SDC4: variants seen among roughly 807,000 people sequenced by gnomAD.
SDC4 encodes syndecan-4.
Under a neutral mutation model 20.5 loss-of-function variants are expected in SDC4, and 17 were observed. The ratio of observed to expected loss-of-function variants is 0.83; its 90% CI spans 0.57 to 1.25. SDC4 has a LOEUF of 1.25. Among genes scored for constraint, SDC4 ranks in the 50% most tolerant of loss-of-function variants. The pLI, the probability that SDC4 is intolerant of heterozygous loss-of-function variation, is 0.00. For synonymous variants in SDC4, 107 were observed against 105.3 expected, an observed-to-expected ratio of 1.02 and a Z score of -0.10; for missense variants, 241 against 252.3, an observed-to-expected ratio of 0.96 and a Z score of 0.30.
At position 45,336,885 on chromosome 20, in the gene SDC4, A is replaced by G. The variant is rs147593522; in HGVS notation, c.61-965T>C. ...ACTCCTGGATTCAGTCTTGCCTTCC[A>G]AACATCTCCCACAGATCTACTCTGC... is the stretch of plus-strand genomic sequence containing the variant. On this transcript the variant is annotated intron_variant, in intron 1 of 4. Transcript: ENST00000372733. Among the ~76,000 whole-genome samples, 611 of 152,036 alleles carry G rather than the reference A, an allele frequency of 4.0e-3. 16 individuals carry two copies. The highest frequency in any genetic ancestry group is 0.029 in the Admixed American group (440 of 15,268).
chr20:45,327,385 A>G lies in SDC4; in HGVS notation c.476T>C (p.Leu159Pro), dbSNP rs761210494. 11 of 1,614,010 alleles carry G rather than the reference A, an allele frequency of 6.8e-6. No individual in the cohort carries two copies. The East Asian group carries it at 2.5e-4, about 36-fold the overall frequency. ...CAGTAGGATCAGGAAGACGGCAAAG[A>G]GGATGCCCACGATGCCACCCACAAT... ...ALIVGGIVGI[L>P]FAVFLILLLM... Residue 159 changes from leucine to proline, a missense_variant, in exon 5 of 5, where the codon CTC (leucine) becomes CCC (proline). Coordinates refer to ENST00000372733, the MANE Select transcript of SDC4 (RefSeq NM_002999.4).
intron 1 of SDC4, chr20:45,345,450 A>G (rs1474630470): frequency 1.3e-5 from 2 of 152,194 alleles, no homozygotes; most frequent in Non-Finnish European, 2.9e-5. Flanking sequence ...GGAACCCTCC[A>G]AATCATGGCC....
At position 45,335,781 on chromosome 20, in the gene SDC4, C is replaced by T. The variant is rs111597694; in HGVS notation, c.199+1G>A. ...ACGCCTGCCCAGCACACCTTCCGTA[C>T]CCAGATCTCCAGAGCCAGACAGCTC... On this transcript the variant is annotated splice_donor_variant, in intron 2 of 4. Transcript: ENST00000372733. LOFTEE classifies it high-confidence loss of function. The T allele has an allele frequency of 6.2e-7, 1 of 1,613,608 alleles. No homozygotes were observed. Among genetic ancestry groups the T allele is most frequent in the African/African-American group, 1.3e-5 (1 of 74,996 alleles).
rs1423675551 is a variant in SDC4 at position 45,327,369 on chromosome 20, C to T, written c.492G>A (p.Leu164=). 5 of 1,614,010 alleles carry T rather than the reference C, an allele frequency of 3.1e-6. No individual in the cohort carries two copies. The Admixed American group carries it at 8.3e-5, about 27-fold the overall frequency. Residue 164 remains leucine (L), a synonymous_variant, in exon 5 of 5, where the codon CTG becomes CTA. Transcript: ENST00000372733. ...TCATACGGTACATGAGCAGTAGGAT[C>T]AGGAAGACGGCAAAGAGGATGCCCA... ...GIVGILFAVF[L]ILLLMYRMKK... is the part of the protein sequence containing the mutation.
At chr20:45,336,716 T>C (rs920721551) in intron 1 of SDC4, among the ~76,000 whole-genome samples, 2 of 151,182 alleles carry the variant, frequency 1.3e-5, no homozygotes, top group African/African-American at 4.9e-5. Context: ...GGACAGGGAG[T>C]GGGCTCCTGG....
At chr20:45,348,129 C>T (rs1009504435) in intron 1 of SDC4, among the ~76,000 whole-genome samples, 196 bp downstream of exon 1, 52 of 127,994 alleles carry the variant, frequency 4.1e-4, no homozygotes, top group African/African-American at 1.5e-3. Context: ...GAGGGGCGCA[C>T]GGCGCGTGAA....
At chr20:45,348,048 C>T (rs576401964) in intron 1 of SDC4, among the ~76,000 whole-genome samples, 1 of 152,290 alleles carries the variant, frequency 6.6e-6, no homozygotes, top group South Asian at 2.1e-4. Context: ...GAGTTGACAC[C>T]GGCTTAGTCA....
At chr20:45,334,836 G>A (rs1987836764) in intron 2 of SDC4, among the ~76,000 whole-genome samples, 1 of 152,070 alleles carries the variant, frequency 6.6e-6, no homozygotes, top group Non-Finnish European at 1.5e-5. Flanking sequence ...TGAGTGCTTG[G>A]TAGGTGCCAA....
chr20:45,341,294 A>G (rs1439163976), intron 1 of SDC4, among the ~76,000 whole-genome samples: 1 of 152,200 alleles, frequency 6.6e-6, no homozygotes, highest in African/African-American at 2.4e-5. Flanking sequence ...GGTGCTTTGC[A>G]AACTGTAAAG....
chr20:45,334,052 TG>T (rs1354660483), intron 2 of SDC4, among the ~76,000 whole-genome samples: 1 of 151,862 alleles, frequency 6.6e-6, no homozygotes, highest in Non-Finnish European at 1.5e-5. Flanking sequence ...TGGAGTACCG[TG>T]GTGCCATCTC....
chr20:45,332,162 T>C (rs1432387427), intron 3 of SDC4, among the ~76,000 whole-genome samples: 2 of 9,062 alleles, frequency 2.2e-4, no homozygotes, highest in East Asian at 0.04. Context: ...TATATATACT[T>C]TTTTTTTTTT....
chr20:45,337,857 C>G (rs1987896538), intron 1 of SDC4, among the ~76,000 whole-genome samples: 1 of 152,204 alleles, frequency 6.6e-6, no homozygotes, highest in African/African-American at 2.4e-5. Context: ...GGGGAGAATG[C>G]TGAACGCTTG....
At chr20:45,330,622 G>C in intron 3 of SDC4, 58 bp from the exon 4 acceptor site, 1 of 1,462,914 alleles carries the variant, frequency 6.8e-7, no homozygotes, top group Non-Finnish European at 9.5e-7. Context: ...ACTCAGGGCA[G>C]GGGACAGGGA....
intron 1 of SDC4, 111 bp downstream of exon 1, chr20:45,348,214 G>T (rs1019768125): frequency 4.9e-6 from 5 of 1,026,986 alleles, no homozygotes; most frequent in East Asian, 5.6e-5. Flanking sequence ...TGTCCGGTTG[G>T]GGGTAGCGTA....
At chr20:45,337,372 C>T (rs1050844846) in intron 1 of SDC4, among the ~76,000 whole-genome samples, 12 of 152,178 alleles carry the variant, frequency 7.9e-5, no homozygotes, top group East Asian at 5.8e-4. Flanking sequence ...CTTCTCCAGA[C>T]GCCATAACTG....
At chr20:45,347,840 T>C (rs892404088) in intron 1 of SDC4, among the ~76,000 whole-genome samples, 1 of 151,944 alleles carries the variant, frequency 6.6e-6, no homozygotes. Flanking sequence ...TAGGGCTCAG[T>C]TCTCCTTGGT....
chr20:45,337,384 A>G (rs1987887784), intron 1 of SDC4, among the ~76,000 whole-genome samples: 1 of 152,184 alleles, frequency 6.6e-6, no homozygotes, highest in African/African-American at 2.4e-5. Flanking sequence ...CCATAACTGC[A>G]GGAGCTGGGG....
intron 1 of SDC4, among the ~76,000 whole-genome samples, chr20:45,344,284 T>C (rs1231490787): frequency 7.9e-6 from 1 of 126,340 alleles, no homozygotes; most frequent in Non-Finnish European, 1.7e-5. Context: ...AAACATGTCC[T>C]GTATGTCCCC....
At position 45,348,210 on chromosome 20, in the gene SDC4, G is replaced by A. The variant is rs1477211395; in HGVS notation, c.60+115C>T. ...AAAGTTTCCCGGGCCTCGGTGTCCG[G>A]TTGGGGGTAGCGTACCCCCGATCTG... On this transcript the variant is annotated intron_variant, in intron 1 of 4. Transcript: ENST00000372733. 8.0e-6 allele frequency: 8 copies of A among 1,003,928 alleles called. No homozygotes were observed. The South Asian group carries it at 8.2e-5, about 10-fold the overall frequency. 62.2% of individuals were successfully genotyped at this position (1,003,928 alleles called of 1,614,324 possible). A position where few individuals can be genotyped will look rare whatever the true frequency, so the allele number is the denominator to read the frequency against.
Sources: allele counts gnomAD v4.1 joint callset (sites outside exome capture counted in the v4.1 genomes callset), GRCh38; gene constraint gnomAD v4.1.1; transcripts MANE v1.5; gene names NCBI Gene and HGNC (gene_info 2026-07-23, HGNC 2026-07-21).